Variants in GALNT7 observed in about 807,000 individuals in gnomAD.
The protein encoded by GALNT7 is polypeptide N-acetylgalactosaminyltransferase 7.
GALNT7 carries 60 observed loss-of-function variants against 82.1 expected under a neutral mutation model. That is an observed-to-expected ratio of 0.73 (90% CI 0.59 to 0.91). The LOEUF is 0.91. Ranked by LOEUF, GALNT7 falls within the 40% of genes least tolerant of loss-of-function variation. The pLI, the probability that GALNT7 is intolerant of heterozygous loss-of-function variation, is 0.00. For missense variants in GALNT7, 660 were observed against 804.2 expected, an observed-to-expected ratio of 0.82 and a Z score of 2.17; for synonymous variants, 243 against 275.1, an observed-to-expected ratio of 0.88 and a Z score of 1.15.
rs1237288138 is a variant in GALNT7 at position 173,292,094 on chromosome 4, T to A, written c.588-14T>A. ...TTACCTGTAAATAAATATGATGAAA[T>A]TTTCTCTTTACAGATGCAAGTATTG... On this transcript the variant is annotated splice_polypyrimidine_tract_variant and intron_variant, in intron 2 of 11. Transcript: ENST00000265000. The surrounding 1 kb of genome is among the most constrained non-coding windows in gnomAD (Gnocchi z 4.8). The A allele has an allele frequency of 6.3e-7, 1 of 1,583,698 alleles. No homozygotes were observed. The highest frequency in any genetic ancestry group is 8.6e-7 in the Non-Finnish European group (1 of 1,157,410).
intron 1 of GALNT7, among the ~76,000 whole-genome samples, chr4:173,173,966 C>A (rs879677658): frequency 6.6e-6 from 1 of 152,080 alleles, no homozygotes; most frequent in Non-Finnish European, 1.5e-5. Flanking sequence ...TCAGTTGTAA[C>A]CTGAAAAATT....
At chr4:173,281,052 C>G (rs1007898233) in intron 2 of GALNT7, among the ~76,000 whole-genome samples, 1 of 152,218 alleles carries the variant, frequency 6.6e-6, no homozygotes, top group Non-Finnish European at 1.5e-5. Flanking sequence ...TTCAGACTCC[C>G]TCTCTGGGCT....
At chr4:173,214,429 A>G (rs973104753) in intron 1 of GALNT7, among the ~76,000 whole-genome samples, 1 of 152,196 alleles carries the variant, frequency 6.6e-6, no homozygotes, top group African/African-American at 2.4e-5. Context: ...TGGTAGCTTC[A>G]GACCCCTTAT....
intron 1 of GALNT7, among the ~76,000 whole-genome samples, chr4:173,203,942 T>C (rs1041411134): frequency 5.9e-5 from 9 of 152,352 alleles, no homozygotes; most frequent in African/African-American, 2.2e-4. Context: ...TGCTTTCATA[T>C]GTTTTCATAT....
intron 1 of GALNT7, among the ~76,000 whole-genome samples, chr4:173,210,934 A>G (rs1305596411): frequency 1.3e-5 from 2 of 152,234 alleles, no homozygotes; most frequent in African/African-American, 2.4e-5. Context: ...AAATAGCTTT[A>G]AAAACCCAGG....
At chr4:173,228,912 T>A (rs1733929920) in intron 1 of GALNT7, among the ~76,000 whole-genome samples, 1 of 152,280 alleles carries the variant, frequency 6.6e-6, no homozygotes, top group South Asian at 2.1e-4. Flanking sequence ...CTTAGTGAGA[T>A]CTGCATGTGA....
intron 1 of GALNT7, among the ~76,000 whole-genome samples, chr4:173,235,854 A>G (rs1734207321): frequency 6.6e-6 from 1 of 152,158 alleles, no homozygotes; most frequent in Non-Finnish European, 1.5e-5. Context: ...ACGCCCGGCC[A>G]CAAGAAAGCC....
At chr4:173,169,964 C>A (rs1315491997) in intron 1 of GALNT7, among the ~76,000 whole-genome samples, 2 of 152,098 alleles carry the variant, frequency 1.3e-5, no homozygotes, top group African/African-American at 4.8e-5. Context: ...CCGCCCAGGG[C>A]GCGAGTGTTA....
At chr4:173,282,734 G>T (rs1736158238) in intron 2 of GALNT7, among the ~76,000 whole-genome samples, 1 of 152,076 alleles carries the variant, frequency 6.6e-6, no homozygotes, top group African/African-American at 2.4e-5. Flanking sequence ...AAACAATTTG[G>T]GTTATTAGAC....
chr4:173,248,133 G>A lies in GALNT7; in HGVS notation c.280G>A (p.Glu94Lys). 1 of 1,613,906 alleles carries A rather than the reference G, an allele frequency of 6.2e-7. No homozygotes were observed. Residue 94 changes from glutamate to lysine, a missense_variant, in exon 2 of 12, where the codon GAA becomes AAA. By Grantham distance (56) the Glu-to-Lys change is moderately conservative. Coordinates refer to ENST00000265000, the MANE Select transcript of GALNT7 (RefSeq NM_017423.3). ...TAGAAGAATAAACAAGGCCAAAAATGAACAAGAGCACCATGCTGGAGGAGA... is the reference window on the plus strand; with the variant it reads ...TAGAAGAATAAACAAGGCCAAAAATAAACAAGAGCACCATGCTGGAGGAGA... ...SIRRINKAKN[E>K]QEHHAGGDSQ...
At chr4:173,271,110 C>G (rs1735705472) in intron 2 of GALNT7, among the ~76,000 whole-genome samples, 1 of 152,148 alleles carries the variant, frequency 6.6e-6, no homozygotes, top group Admixed American at 6.5e-5. Context: ...AGAATAGATG[C>G]ATTTTCAGCA....
intron 1 of GALNT7, among the ~76,000 whole-genome samples, chr4:173,177,418 G>A (rs1732082565): frequency 6.6e-6 from 1 of 152,162 alleles, no homozygotes; most frequent in Admixed American, 6.6e-5. Context: ...ATCAGAAGTG[G>A]ATGCATTTCA....
intron 1 of GALNT7, among the ~76,000 whole-genome samples, chr4:173,193,135 G>A (rs984039594): frequency 1.3e-5 from 2 of 152,218 alleles, no homozygotes; most frequent in Non-Finnish European, 2.9e-5. Flanking sequence ...GGGACAAACA[G>A]ACAAAAAGGC....
rs374373810 is a variant in GALNT7, at chr4:173,187,207, C to T, written c.126+18246C>T. 2.8e-4 allele frequency among the ~76,000 whole-genome samples: 43 copies of T among 151,998 alleles called. 1 individual carries two copies. In the East Asian group the frequency reaches 5.4e-3, roughly 19 times the overall value. ...CATTAGCTATTGGTGTATTTCTTGC[C>T]TAAATATATGTACTATACATAGACA... On this transcript the variant is annotated intron_variant, in intron 1 of 11. Transcript: ENST00000265000.
At chr4:173,210,929 G>T (rs1297447430) in intron 1 of GALNT7, among the ~76,000 whole-genome samples, 3 of 152,062 alleles carry the variant, frequency 2.0e-5, no homozygotes, top group Non-Finnish European at 4.4e-5. Flanking sequence ...ATTAAAAATA[G>T]CTTTAAAAAC....
chr4:173,174,570 A>G (rs1320859620), intron 1 of GALNT7, among the ~76,000 whole-genome samples: 1 of 152,208 alleles, frequency 6.6e-6, no homozygotes, highest in East Asian at 1.9e-4. Flanking sequence ...CCAGTGGTCT[A>G]TGTGAGGTCA....
At chr4:173,229,320 G>A (rs1733946438) in intron 1 of GALNT7, among the ~76,000 whole-genome samples, 1 of 151,964 alleles carries the variant, frequency 6.6e-6, no homozygotes, top group South Asian at 2.1e-4. Context: ...ATTCTAGTTA[G>A]TAGTATTTTA....
At chr4:173,275,297 T>C (rs1388915464) in intron 2 of GALNT7, among the ~76,000 whole-genome samples, 1 of 152,186 alleles carries the variant, frequency 6.6e-6, no homozygotes, top group East Asian at 1.9e-4. Context: ...GCCTCTGGCT[T>C]CCTTCGTGAA....
chr4:173,317,823 G>A (rs185881029), intron 10 of GALNT7, 91 bp downstream of exon 10: 7 of 789,672 alleles, frequency 8.9e-6, no homozygotes, highest in East Asian at 5.1e-5. Context: ...TTTGGTTTTC[G>A]ATTTGGTAAT....
Sources: gnomAD v4.1 joint callset for allele counts (sites outside exome capture counted in the v4.1 genomes callset) on GRCh38, gnomAD v4.1.1 for gene constraint, Gnocchi (gnomAD v3.1) non-coding constraint, MANE v1.5 for transcripts, NCBI Gene and HGNC (gene_info 2026-07-23, HGNC 2026-07-21) for gene names.